Variants in CDYL observed in about 807,000 individuals in gnomAD.
CDYL encodes chromodomain Y like.
CDYL carries 8 observed loss-of-function variants against 47.3 expected under a neutral mutation model. The observed-to-expected ratio is 0.17, with a 90% CI of 0.10 to 0.31. The LOEUF (loss-of-function observed/expected upper bound fraction) is 0.31, where lower values mean the gene tolerates loss of function less well. Ranked by LOEUF, CDYL falls within the 10% of genes least tolerant of loss-of-function variation. CDYL has a pLI of 1.00. For synonymous variants in CDYL, 266 were observed against 265.0 expected (o/e 1.00, Z -0.04); for missense variants, 471 against 701.4 (o/e 0.67, Z 3.71).
At chr6:4,939,773 T>C (rs1758307750) in intron 4 of CDYL, among the ~76,000 whole-genome samples, 1 of 152,210 alleles carries the variant, frequency 6.6e-6, no homozygotes, top group African/African-American at 2.4e-5. Flanking sequence ...TTCCATGAAC[T>C]TAACTTTTAT....
chr6:4,839,116 C>G (rs1405263910), intron 1 of CDYL, among the ~76,000 whole-genome samples: 2 of 152,196 alleles, frequency 1.3e-5, no homozygotes, highest in African/African-American at 4.8e-5. Flanking sequence ...TTATGACCAT[C>G]TTGCAGGAGT....
At position 4,892,306 on chromosome 6, in the gene CDYL, A is replaced by G; in HGVS notation, c.618A>G (p.Ile206Met). The change falls in exon 2 of 7, where the codon ATA (isoleucine) becomes ATG (methionine). Residue 206 changes from isoleucine (I) to methionine (M), a missense_variant. Physicochemically the swap from Ile to Met is conservative, Grantham distance 10. Coordinates refer to ENST00000397588, the MANE Select transcript of CDYL (RefSeq NM_004824.4). ...ERARMGSRPR[I>M]HPLVPQVPGP... is the part of the protein sequence containing the mutation. ...CCAGGATGGGGAGCAGGCCCAGGATACACCCACTAGTGCCTCAGGTGCCCG... is the reference window on the plus strand; with the variant it reads ...CCAGGATGGGGAGCAGGCCCAGGATGCACCCACTAGTGCCTCAGGTGCCCG... The G allele has an allele frequency of 6.2e-7, 1 of 1,614,110 alleles. No individual in the cohort carries two copies. The highest frequency in any genetic ancestry group is 8.5e-7 in the Non-Finnish European group (1 of 1,180,020).
At position 4,892,198 on chromosome 6, in the gene CDYL, G is replaced by T. The variant is rs771854902; in HGVS notation, c.510G>T (p.Glu170Asp). The change falls in exon 2 of 7, where the codon GAG becomes GAT. Residue 170 changes from glutamate (E) to aspartate (D), a missense_variant. By Grantham distance (45) the Glu-to-Asp change is conservative. Around this residue, in one of 3 missense-constraint regions of CDYL, gnomAD observed 311 missense variants for 350.0 expected, o/e 0.89. Coordinates refer to ENST00000397588, the MANE Select transcript of CDYL (RefSeq NM_004824.4). ...SESPEKLDPVEQGQEDTVAPE... is the reference protein window; with the variant it reads ...SESPEKLDPVDQGQEDTVAPE... ...GCCCTGAGAAACTGGACCCCGTCGA[G>T]CAGGGTCAGGAGGACACAGTGGCAC... The T allele has an allele frequency of 1.2e-6, 2 of 1,614,230 alleles. No individual in the cohort carries two copies. The highest frequency in any genetic ancestry group is 2.7e-5 in the African/African-American group (2 of 75,066).
intron 1 of CDYL, among the ~76,000 whole-genome samples, chr6:4,833,528 G>C (rs1760207689): frequency 6.7e-6 from 1 of 149,034 alleles, no homozygotes; most frequent in African/African-American, 2.5e-5. Context: ...GTGGTGTGGT[G>C]CTGAAAAAAA....
chr6:4,722,914 C>A (rs946186278), intron 2 of CDYL, among the ~76,000 whole-genome samples: 1 of 152,240 alleles, frequency 6.6e-6, no homozygotes, highest in African/African-American at 2.4e-5. Context: ...TGGGAACACC[C>A]CACAGACCAA....
intron 1 of CDYL, among the ~76,000 whole-genome samples, chr6:4,712,996 T>A (rs1757179188): frequency 6.6e-6 from 1 of 152,138 alleles, no homozygotes; most frequent in South Asian, 2.1e-4. Context: ...CATACAAAAA[T>A]TAGCGAGGTG....
intron 1 of CDYL, among the ~76,000 whole-genome samples, chr6:4,828,754 C>A (rs1271625124): frequency 6.6e-6 from 1 of 152,034 alleles, no homozygotes; most frequent in Non-Finnish European, 1.5e-5. Context: ...TGTTGGTATG[C>A]ATGATGGTGT....
chr6:4,730,985 G>A lies in CDYL; in HGVS notation c.104-3777G>A, dbSNP rs149562879. ...GGTTGTTTGGAATGATGAGATTACC[G>A]GTCCACTGTTGTTTGCTGCTTCTTT... On this transcript the variant is annotated intron_variant, in intron 2 of 8. Coordinates refer to the CDYL transcript ENST00000328908. 2.0e-5 allele frequency among the ~76,000 whole-genome samples: 3 copies of A among 152,246 alleles called. No individual in the cohort carries two copies. In the East Asian group the frequency reaches 5.8e-4, roughly 29 times the overall value.
Position 4,892,210 on chromosome 6 carries a change from G to A in CDYL, c.522G>A (p.Glu174=). The A allele has an allele frequency of 6.2e-7, 1 of 1,614,246 alleles. No homozygotes were observed. Among genetic ancestry groups the A allele is most frequent in the Non-Finnish European group, 8.5e-7 (1 of 1,180,038 alleles). Residue 174 remains glutamate, a synonymous_variant, in exon 2 of 7, where the codon GAG becomes GAA. Coordinates refer to ENST00000397588, the MANE Select transcript of CDYL (RefSeq NM_004824.4). ...TGGACCCCGTCGAGCAGGGTCAGGAGGACACAGTGGCACCCGAAGTGGCAG... is the reference window on the plus strand; with the variant it reads ...TGGACCCCGTCGAGCAGGGTCAGGAAGACACAGTGGCACCCGAAGTGGCAG... The part of the protein sequence containing the change: ...EKLDPVEQGQ[E]DTVAPEVAAE...
upstream of CDYL, among the ~76,000 whole-genome samples, chr6:4,774,288 T>A (rs189245564): frequency 8.5e-4 from 130 of 152,364 alleles, no homozygotes; most frequent in Admixed American, 1.9e-3. Context: ...CCTGCCAGTA[T>A]TTGAGCGCTT....
At chr6:4,749,479 A>AATGG (rs972260800) in intron 3 of CDYL, among the ~76,000 whole-genome samples, 23 of 23,960 alleles carry the variant, frequency 9.6e-4, no homozygotes, top group African/African-American at 1.1e-3. Context: ...TGGATGGATG[A>AATGG]ATGGATGGAT....
chr6:4,788,819 C>A (rs1166932018), intron 1 of CDYL, among the ~76,000 whole-genome samples: 2 of 151,928 alleles, frequency 1.3e-5, no homozygotes, highest in African/African-American at 4.8e-5. Flanking sequence ...GAACAGCCAG[C>A]CCCCTTCCCA....
At chr6:4,879,249 C>T (rs1761698708) in intron 1 of CDYL, among the ~76,000 whole-genome samples, 1 of 152,122 alleles carries the variant, frequency 6.6e-6, no homozygotes, top group African/African-American at 2.4e-5. Flanking sequence ...ATATATCTAT[C>T]AGTTACTAAA....
chr6:4,841,032 A>G (rs990695850), intron 1 of CDYL, among the ~76,000 whole-genome samples: 2 of 152,114 alleles, frequency 1.3e-5, no homozygotes, highest in East Asian at 3.8e-4. Context: ...CTGTGAATCC[A>G]TCAGGTCCTG....
chr6:4,752,908 GTAGA>G lies in CDYL; in HGVS notation c.186+18078_186+18081del, dbSNP rs373009788. ...TGTAGGTAGGTAGGTATGTAGGTAG[GTAGA>G]TAGATAGATAGATTTTTTTTTTTAA... On this transcript the variant is annotated intron_variant, in intron 3 of 8. Coordinates refer to the CDYL transcript ENST00000328908. Among the ~76,000 whole-genome samples, 1,256 of 150,936 alleles carry G rather than the reference GTAGA, an allele frequency of 8.3e-3. 13 individuals carry two copies. Among genetic ancestry groups the G allele is most frequent in the African/African-American group, 0.029 (1,170 of 40,980 alleles).
intron 2 of CDYL, among the ~76,000 whole-genome samples, chr6:4,916,982 T>A (rs1757575334): frequency 6.6e-6 from 1 of 152,182 alleles, no homozygotes; most frequent in Non-Finnish European, 1.5e-5. Flanking sequence ...TCCGTTTTGT[T>A]TTTGAGGTTC....
chr6:4,750,019 G>T (rs529468385), intron 3 of CDYL, among the ~76,000 whole-genome samples: 1 of 152,060 alleles, frequency 6.6e-6, no homozygotes, highest in Admixed American at 6.6e-5. Context: ...TTCCTAATTA[G>T]GTAACAGCTA....
chr6:4,829,441 G>A (rs1399235388), intron 1 of CDYL, among the ~76,000 whole-genome samples: 2 of 152,140 alleles, frequency 1.3e-5, no homozygotes, highest in African/African-American at 4.8e-5. Context: ...CCTAGTTTTT[G>A]CATTTAACTC....
At chr6:4,720,308 G>T (rs1372534926) in intron 2 of CDYL, among the ~76,000 whole-genome samples, 1 of 152,184 alleles carries the variant, frequency 6.6e-6, no homozygotes, top group Non-Finnish European at 1.5e-5. Flanking sequence ...TAACCAGAAT[G>T]AATGACGACT....
Sources: allele counts gnomAD v4.1 joint callset (sites outside exome capture counted in the v4.1 genomes callset), GRCh38; gene constraint gnomAD v4.1.1; regional missense constraint gnomAD v4.1.1; transcripts MANE v1.5; gene names NCBI Gene and HGNC (gene_info 2026-07-23, HGNC 2026-07-21).